Variants in RGS7 observed in about 807,000 individuals in gnomAD.
The protein encoded by RGS7 is regulator of G protein signaling 7.
Under a neutral mutation model 81.1 loss-of-function variants are expected in RGS7, and 27 were observed. The ratio of observed to expected loss-of-function variants is 0.33; its 90% CI spans 0.25 to 0.46. The LOEUF (loss-of-function observed/expected upper bound fraction) is 0.46, where lower values mean the gene tolerates loss of function less well. RGS7 is among the 20% of genes least tolerant of loss of function. The pLI is 1.00. For synonymous variants in RGS7, 208 were observed against 207.7 expected (o/e 1.00, Z -0.01); for missense variants, 396 against 607.4 (o/e 0.65, Z 3.66).
At chr1:240,800,604 T>C in intron 18 of RGS7, 37 bp downstream of exon 18, 2 of 1,308,946 alleles carry the variant, frequency 1.5e-6, no homozygotes, top group South Asian at 2.6e-5. Context: ...CAACAGACAA[T>C]GCAGACAAAC....
intron 2 of RGS7, among the ~76,000 whole-genome samples, chr1:241,211,402 T>C (rs567200697): frequency 3.7e-4 from 57 of 152,282 alleles, no homozygotes; most frequent in Non-Finnish European, 6.0e-4. Flanking sequence ...AGCAACTTCA[T>C]TGTGAGGCTT....
intron 2 of RGS7, among the ~76,000 whole-genome samples, chr1:241,237,782 A>G (rs1306345635): frequency 1.3e-5 from 2 of 152,148 alleles, no homozygotes; most frequent in South Asian, 2.1e-4. Flanking sequence ...AGGACAGGAT[A>G]AAGCCTCCAG....
At chr1:241,169,199 C>T (rs201509137) in intron 2 of RGS7, among the ~76,000 whole-genome samples, 2 of 151,798 alleles carry the variant, frequency 1.3e-5, no homozygotes, top group Non-Finnish European at 1.5e-5. Context: ...TATACATTAA[C>T]ATGTCAATGT....
At chr1:240,784,411 C>G (rs568159932) in intron 18 of RGS7, among the ~76,000 whole-genome samples, 1 of 151,484 alleles carries the variant, frequency 6.6e-6, no homozygotes, top group African/African-American at 2.4e-5. Flanking sequence ...GAGGTAGAGG[C>G]GGGCAGATCA....
chr1:241,037,419 C>T (rs2060384617), intron 3 of RGS7, among the ~76,000 whole-genome samples: 1 of 152,088 alleles, frequency 6.6e-6, no homozygotes. Flanking sequence ...ACCTAAAATG[C>T]CCATCAATCA....
chr1:240,856,931 C>T (rs1376890413), intron 9 of RGS7, among the ~76,000 whole-genome samples: 1 of 152,090 alleles, frequency 6.6e-6, no homozygotes, highest in Non-Finnish European at 1.5e-5. Flanking sequence ...CCAAATAAGA[C>T]AAACAAAGCC....
intron 2 of RGS7, among the ~76,000 whole-genome samples, chr1:241,285,045 T>C (rs1476321481): frequency 1.3e-5 from 2 of 152,066 alleles, no homozygotes; most frequent in Non-Finnish European, 2.9e-5. Context: ...TAATTTTTTA[T>C]ATTTTTAGTA....
chr1:241,026,327 C>T (rs1245599985), intron 3 of RGS7, among the ~76,000 whole-genome samples: 1 of 152,144 alleles, frequency 6.6e-6, no homozygotes, highest in Non-Finnish European at 1.5e-5. Context: ...GTGACTCCTG[C>T]CTGTATTTCC....
intron 3 of RGS7, among the ~76,000 whole-genome samples, chr1:241,068,238 G>GTGTATATATATATATA: frequency 5.6e-5 from 2 of 35,660 alleles, no homozygotes; most frequent in African/African-American, 1.9e-4. Context: ...GTGTGTGTGT[G>GTGTATATATATATATA]TATATATATA....
At chr1:241,212,371 G>A (rs1000610159) in intron 2 of RGS7, among the ~76,000 whole-genome samples, 1 of 152,140 alleles carries the variant, frequency 6.6e-6, no homozygotes. Flanking sequence ...GGTGACACAC[G>A]GTTCCAAGCT....
At position 241,007,596 on chromosome 1, in the gene RGS7, A is replaced by T. The variant is rs187146582; in HGVS notation, c.176-24467T>A. On this transcript the variant is annotated intron_variant, in intron 3 of 18. Coordinates refer to ENST00000440928, the MANE Select transcript of RGS7 (RefSeq NM_001364886.1). ...TCAAAACCCTTTTTCTGAGATAGAAAGAAAGAATTTGACTAGAAAGTGAAA... is the reference window on the plus strand; with the variant it reads ...TCAAAACCCTTTTTCTGAGATAGAATGAAAGAATTTGACTAGAAAGTGAAA... Among the ~76,000 whole-genome samples the T allele has an allele frequency of 2.3e-4, 35 of 152,326 alleles. 1 individual carries two copies. The highest frequency in any genetic ancestry group is 7.9e-4 in the African/African-American group (33 of 41,582).
At chr1:240,852,514 T>C (rs919400033) in intron 9 of RGS7, among the ~76,000 whole-genome samples, 5 of 152,162 alleles carry the variant, frequency 3.3e-5, no homozygotes, top group African/African-American at 1.2e-4. Context: ...CTACTACCTG[T>C]AGTTGTTGTG....
At chr1:241,114,399 G>T (rs1299188861) in intron 2 of RGS7, among the ~76,000 whole-genome samples, 1 of 151,936 alleles carries the variant, frequency 6.6e-6, no homozygotes, top group Non-Finnish European at 1.5e-5. Flanking sequence ...GTCTTTGCCA[G>T]ACACAAGTGG....
chr1:240,883,900 A>G (rs1666864923), intron 6 of RGS7, among the ~76,000 whole-genome samples: 1 of 151,882 alleles, frequency 6.6e-6, no homozygotes, highest in Non-Finnish European at 1.5e-5. Flanking sequence ...ACATGGTGAA[A>G]CCCCGTCTCT....
chr1:241,202,338 T>G (rs2073582849), intron 2 of RGS7, among the ~76,000 whole-genome samples: 1 of 152,184 alleles, frequency 6.6e-6, no homozygotes, highest in African/African-American at 2.4e-5. Flanking sequence ...AATAGTTCTT[T>G]CTGTGGGGGC....
At chr1:240,960,365 T>C (rs1008909068) in intron 4 of RGS7, among the ~76,000 whole-genome samples, 23 of 150,398 alleles carry the variant, frequency 1.5e-4, no homozygotes, top group African/African-American at 4.9e-4. Context: ...CACCTCAGCC[T>C]CCCAAGTAGC....
chr1:240,852,247 A>G (rs1049309595), intron 9 of RGS7, among the ~76,000 whole-genome samples: 1 of 152,224 alleles, frequency 6.6e-6, no homozygotes, highest in African/African-American at 2.4e-5. Flanking sequence ...GATCTCCCAC[A>G]AACAAAAAGG....
chr1:241,050,219 C>A (rs1451123301), intron 3 of RGS7, among the ~76,000 whole-genome samples: 1 of 152,064 alleles, frequency 6.6e-6, no homozygotes, highest in Non-Finnish European at 1.5e-5. Context: ...GATGGCACAG[C>A]CAGTATGTGT....
intron 2 of RGS7, among the ~76,000 whole-genome samples, chr1:241,248,308 A>G (rs193065606): frequency 3.3e-5 from 5 of 149,886 alleles, no homozygotes; most frequent in Admixed American, 1.3e-4. Flanking sequence ...TTTAAATTAT[A>G]TATGTGCAGA....
Sources: gnomAD v4.1 joint callset for allele counts (sites outside exome capture counted in the v4.1 genomes callset) on GRCh38, gnomAD v4.1.1 for gene constraint, MANE v1.5 for transcripts, NCBI Gene and HGNC (gene_info 2026-07-23, HGNC 2026-07-21) for gene names.